Variants in SENP7 observed in about 807,000 individuals in gnomAD.
SENP7 encodes the protein SUMO specific peptidase 7, also known as sentrin-specific protease 7.
SENP7 carries 64 observed loss-of-function variants against 141.2 expected under a neutral mutation model. The observed-to-expected ratio is 0.45, with a 90% CI of 0.37 to 0.56. The LOEUF is 0.56. SENP7 is among the 20% of genes least tolerant of loss of function. The pLI is 0.00. For missense variants in SENP7, 1,025 were observed against 1,212.2 expected, an observed-to-expected ratio of 0.85 and a Z score of 2.29; for synonymous variants, 382 against 426.4, an observed-to-expected ratio of 0.90 and a Z score of 1.28.
chr3:101,392,996 T>C (rs1576203639), intron 6 of SENP7, among the ~76,000 whole-genome samples: 1 of 151,796 alleles, frequency 6.6e-6, no homozygotes, highest in Admixed American at 6.6e-5. Flanking sequence ...AAAAAACAAA[T>C]ACATAGACCA....
At chr3:101,345,812 A>G (rs1273965595) in intron 13 of SENP7, among the ~76,000 whole-genome samples, 4 of 152,248 alleles carry the variant, frequency 2.6e-5, no homozygotes, top group Non-Finnish European at 5.9e-5. Context: ...AACTATAAAA[A>G]TTCTAGAAGA....
At chr3:101,429,412 C>A (rs1368051480) in intron 4 of SENP7, among the ~76,000 whole-genome samples, 1 of 152,060 alleles carries the variant, frequency 6.6e-6, no homozygotes, top group Non-Finnish European at 1.5e-5. Flanking sequence ...CCTTCACATC[C>A]CTTGTAAGTT....
At chr3:101,384,611 G>A (rs1269129808) in intron 6 of SENP7, among the ~76,000 whole-genome samples, 1 of 152,216 alleles carries the variant, frequency 6.6e-6, no homozygotes, top group Non-Finnish European at 1.5e-5. Flanking sequence ...GACATGCCTG[G>A]CTGTGCACAG....
At chr3:101,383,935 C>G (rs2060579295) in intron 6 of SENP7, among the ~76,000 whole-genome samples, 1 of 152,212 alleles carries the variant, frequency 6.6e-6, no homozygotes, top group Non-Finnish European at 1.5e-5. Flanking sequence ...ACCAGAGTGA[C>G]AACTTATGGT....
intron 17 of SENP7, among the ~76,000 whole-genome samples, chr3:101,333,929 T>C (rs1358204849): frequency 6.6e-6 from 1 of 152,072 alleles, no homozygotes; most frequent in African/African-American, 2.4e-5. Context: ...GGGGGGATGG[T>C]TTCAAGATGA....
chr3:101,366,972 A>G (rs934215844), intron 8 of SENP7, among the ~76,000 whole-genome samples: 2 of 152,206 alleles, frequency 1.3e-5, no homozygotes, highest in Admixed American at 6.5e-5. Context: ...CTGATGCCTG[A>G]TAATTTTTTA....
intron 7 of SENP7, among the ~76,000 whole-genome samples, chr3:101,368,641 T>C (rs2060102238): frequency 1.3e-5 from 2 of 149,728 alleles, no homozygotes; most frequent in South Asian, 4.3e-4. Flanking sequence ...GAAAGATGAG[T>C]TAATGGGTGC....
chr3:101,336,336 C>G (rs1394157165), intron 17 of SENP7, among the ~76,000 whole-genome samples: 3 of 152,128 alleles, frequency 2.0e-5, no homozygotes, highest in Admixed American at 1.3e-4. Context: ...CCTCTTCTAA[C>G]TCTTGTTTAT....
At chr3:101,335,206 C>G (rs1397371253) in intron 17 of SENP7, among the ~76,000 whole-genome samples, 1 of 151,998 alleles carries the variant, frequency 6.6e-6, no homozygotes, top group Non-Finnish European at 1.5e-5. Context: ...GTAGGTTGAA[C>G]TTAAGTATGG....
intron 4 of SENP7, among the ~76,000 whole-genome samples, chr3:101,441,322 C>G (rs1199410063): frequency 1.3e-5 from 2 of 152,178 alleles, no homozygotes; most frequent in African/African-American, 2.4e-5. Context: ...AACACCCATG[C>G]ACACCACCTG....
At chr3:101,405,471 T>A (rs2061275029) in intron 5 of SENP7, among the ~76,000 whole-genome samples, 1 of 152,096 alleles carries the variant, frequency 6.6e-6, no homozygotes, top group Admixed American at 6.5e-5. Flanking sequence ...CAGAGCCTAC[T>A]CAAATGACAA....
chr3:101,505,424 C>G (rs2065562347), intron 1 of SENP7, among the ~76,000 whole-genome samples: 1 of 152,186 alleles, frequency 6.6e-6, no homozygotes, highest in Admixed American at 6.5e-5. Context: ...CCAAAAATGT[C>G]TCACTGGGTT....
intron 6 of SENP7, among the ~76,000 whole-genome samples, chr3:101,395,145 C>G (rs1000040786): frequency 6.6e-6 from 1 of 152,114 alleles, no homozygotes; most frequent in Admixed American, 6.5e-5. Flanking sequence ...GTGCAGAAGC[C>G]ATTCAGCTTA....
intron 1 of SENP7, 23 bp downstream of exon 1, chr3:101,513,068 G>A: frequency 6.8e-6 from 11 of 1,612,498 alleles, no homozygotes; most frequent in South Asian, 1.1e-5. Flanking sequence ...AATATGTTCA[G>A]CCCTTCTCTG....
At chr3:101,431,298 T>G (rs561916828) in intron 4 of SENP7, among the ~76,000 whole-genome samples, 1 of 152,078 alleles carries the variant, frequency 6.6e-6, no homozygotes, top group African/African-American at 2.4e-5. Flanking sequence ...TCTCCCACTA[T>G]TATTGTTTGG....
intron 4 of SENP7, among the ~76,000 whole-genome samples, chr3:101,441,707 C>T (rs2062681498): frequency 1.3e-5 from 2 of 151,428 alleles, no homozygotes; most frequent in African/African-American, 4.9e-5. Flanking sequence ...ACCACCCTAA[C>T]CCATGTTACC....
intron 3 of SENP7, among the ~76,000 whole-genome samples, chr3:101,481,346 G>A (rs184057712): frequency 4.6e-5 from 7 of 152,272 alleles, no homozygotes; most frequent in East Asian, 3.9e-4. Context: ...AAACATGGAC[G>A]CAACTGAAGG....
intron 4 of SENP7, among the ~76,000 whole-genome samples, chr3:101,436,900 C>T (rs554832574): frequency 7.9e-5 from 12 of 152,268 alleles, no homozygotes; most frequent in Admixed American, 1.3e-4. Context: ...ATTGAACTAC[C>T]GTATGATCCA....
At chr3:101,497,684 C>T (rs1014537869) in intron 2 of SENP7, among the ~76,000 whole-genome samples, 9 of 152,042 alleles carry the variant, frequency 5.9e-5, no homozygotes, top group African/African-American at 1.7e-4. Context: ...TAAGTGAAGC[C>T]AAGCACAGTG....
Sources: allele counts gnomAD v4.1 joint callset (sites outside exome capture counted in the v4.1 genomes callset), GRCh38; gene constraint gnomAD v4.1.1; transcripts MANE v1.5; gene names NCBI Gene and HGNC (gene_info 2026-07-23, HGNC 2026-07-21).